Variants in DEFB107B observed in about 807,000 individuals in gnomAD.
DEFB107B encodes defensin beta 107B.
intron 1 of DEFB107B, among the ~76,000 whole-genome samples, chr8:7,497,434 G>A (rs1438875957): frequency 6.6e-6 from 1 of 151,070 alleles, no homozygotes; most frequent in Non-Finnish European, 1.5e-5. Flanking sequence ...TGGAAACTTG[G>A]TTCTAACTAG....
chr8:7,497,217 T>C (rs1248665258), intron 1 of DEFB107B, among the ~76,000 whole-genome samples: 1 of 151,630 alleles, frequency 6.6e-6, no homozygotes, highest in Non-Finnish European at 1.5e-5. Flanking sequence ...AGCATGGACA[T>C]TGACCTTAAT....
chr8:7,496,514 A>G (rs1811746749), intron 1 of DEFB107B, among the ~76,000 whole-genome samples: 1 of 151,942 alleles, frequency 6.6e-6, no homozygotes, highest in Non-Finnish European at 1.5e-5. Context: ...GTTAGCCAGG[A>G]TGGTCTTGAT....
In DEFB107B at chr8:7,503,788, G is replaced by C. The variant is rs1356525110; in HGVS notation, c.71-5293G>C. On this transcript the variant is annotated intron_variant, in intron 1 of 1. Transcript: ENST00000355602. Reference sequence around the variant, plus strand: ...TGTTTAGGCCAATTTTTTGGCCACTGATTTAAAGCAATGATAGAGACATCT... The same window carrying C: ...TGTTTAGGCCAATTTTTTGGCCACTCATTTAAAGCAATGATAGAGACATCT... Among the ~76,000 whole-genome samples the C allele has an allele frequency of 8.5e-5, 2 of 23,638 alleles. 1 individual carries two copies. Among genetic ancestry groups the C allele is most frequent in the African/African-American group, 1.5e-4 (2 of 13,446 alleles). The allele number at this position is 23,638 out of a possible 152,430, so 15.5% of individuals were successfully genotyped here. A position where few individuals can be genotyped will look rare whatever the true frequency, so the allele number is the denominator to read the frequency against.
At position 7,508,253 on chromosome 8, in the gene DEFB107B, T is replaced by C. The variant is rs532176719; in HGVS notation, c.71-828T>C. Among the ~76,000 whole-genome samples, 48 of 140,884 alleles carry C rather than the reference T, an allele frequency of 3.4e-4. 2 individuals are homozygous for C. The highest frequency in any genetic ancestry group is 1.3e-3 in the African/African-American group (46 of 34,386). The allele number at this position is 140,884 out of a possible 152,430, so 92.4% of individuals were successfully genotyped here. On this transcript the variant is annotated intron_variant, in intron 1 of 1. Coordinates refer to ENST00000355602, the MANE Select transcript of DEFB107B (RefSeq NM_001040705.2). ...AGCCCCTGCAATTTCTTTCCATTAG[T>C]CTTTGCCTTAACTTGGCACTAACAA...
chr8:7,497,420 G>C (rs1395507503), intron 1 of DEFB107B, among the ~76,000 whole-genome samples: 1 of 151,632 alleles, frequency 6.6e-6, no homozygotes, highest in South Asian at 2.1e-4. Flanking sequence ...AGAAGTCATA[G>C]ATGTGGAAAC....
chr8:7,502,497 C>T lies in DEFB107B; in HGVS notation c.70+6494C>T, dbSNP rs1585544092. Among the ~76,000 whole-genome samples, 8 of 22,552 alleles carry T rather than the reference C, an allele frequency of 3.5e-4. 4 individuals are homozygous for T. In the South Asian group the frequency reaches 0.012, roughly 35 times the overall value. The allele number at this position is 22,552 out of a possible 152,430, so 14.8% of individuals were successfully genotyped here. On this transcript the variant is annotated intron_variant, in intron 1 of 1. Coordinates refer to ENST00000355602, the MANE Select transcript of DEFB107B (RefSeq NM_001040705.2). ...GATCTATTCTATTTATTTGTGCTGA[C>T]TGAATTTTTTCTTCCACTAATTTAA...
chr8:7,497,380 C>G (rs1336224094), intron 1 of DEFB107B, among the ~76,000 whole-genome samples: 1 of 152,220 alleles, frequency 6.6e-6, no homozygotes, highest in Non-Finnish European at 1.5e-5. Context: ...ACAGTTTTCA[C>G]AAGTGCCATA....
intron 1 of DEFB107B, among the ~76,000 whole-genome samples, chr8:7,496,563 G>T (rs1210940290): frequency 2.9e-4 from 44 of 150,350 alleles, no homozygotes; most frequent in African/African-American, 1.1e-3. Context: ...GCCTCCCAGA[G>T]CCCTGGGATT....
At chr8:7,508,043 T>C (rs1811984506) in intron 1 of DEFB107B, among the ~76,000 whole-genome samples, 1 of 26,528 alleles carries the variant, frequency 3.8e-5, no homozygotes, top group Non-Finnish European at 1.1e-4. Context: ...TCTGTCCTGA[T>C]TCAGTATTGA....
At chr8:7,507,719 G>A (rs1811972436) in intron 1 of DEFB107B, among the ~76,000 whole-genome samples, 2 of 131,520 alleles carry the variant, frequency 1.5e-5, no homozygotes, top group South Asian at 4.7e-4. Flanking sequence ...AACAGGCAGG[G>A]TTAGAAAGTA....
chr8:7,502,749 A>C lies in DEFB107B; in HGVS notation c.71-6332A>C, dbSNP rs867921008. ...TTCTATTTTCTATCTGCATCCCTAA[A>C]TAATGAAAAGGAGTAGAGGTTTGGA... On this transcript the variant is annotated intron_variant, in intron 1 of 1. Transcript: ENST00000355602. Among the ~76,000 whole-genome samples, 65 of 22,572 alleles carry C rather than the reference A, an allele frequency of 2.9e-3. 1 individual carries two copies. Among genetic ancestry groups the C allele is most frequent in the African/African-American group, 5.2e-3 (64 of 12,230 alleles). The allele number at this position is 22,572 out of a possible 152,430, so 14.8% of individuals were successfully genotyped here.
At chr8:7,507,862 C>T (rs1811976919) in intron 1 of DEFB107B, among the ~76,000 whole-genome samples, 1 of 145,936 alleles carries the variant, frequency 6.9e-6, no homozygotes, top group Admixed American at 6.7e-5. Context: ...ATTCATGTGT[C>T]CAGCTAAACC....
At chr8:7,508,929 A>ATAACATCTG in intron 1 of DEFB107B, 152 bp from the exon 2 acceptor site, 2 of 79,884 alleles carry the variant, frequency 2.5e-5, no homozygotes, top group Admixed American at 2.3e-4. Context: ...GACTGTTCAG[A>ATAACATCTG]TAACATCTGA....
rs1261551227 is a variant in DEFB107B at position 7,498,007 on chromosome 8, A to G, written c.70+2004A>G. ...GGGACCCGGGGAACCAGCATTCAGCATATGGAGGATCCCGCCAGCCTCTGA... is the reference window on the plus strand; with the variant it reads ...GGGACCCGGGGAACCAGCATTCAGCGTATGGAGGATCCCGCCAGCCTCTGA... On this transcript the variant is annotated intron_variant, in intron 1 of 1. Transcript: ENST00000355602. 1.0e-4 allele frequency among the ~76,000 whole-genome samples: 2 copies of G among 19,520 alleles called. 1 individual carries two copies. Among genetic ancestry groups the G allele is most frequent in the African/African-American group, 1.9e-4 (2 of 10,346 alleles). The allele number at this position is 19,520 out of a possible 152,430, so 12.8% of individuals were successfully genotyped here. A position where few individuals can be genotyped will look rare whatever the true frequency, so the allele number is the denominator to read the frequency against.
intron 1 of DEFB107B, among the ~76,000 whole-genome samples, chr8:7,496,515 T>C (rs1265924645): frequency 3.3e-5 from 5 of 152,058 alleles, no homozygotes. Context: ...TTAGCCAGGA[T>C]GGTCTTGATG....
intron 1 of DEFB107B, among the ~76,000 whole-genome samples, chr8:7,507,843 T>G (rs1811976228): frequency 6.9e-6 from 1 of 145,370 alleles, no homozygotes; most frequent in Non-Finnish European, 1.5e-5. Context: ...CTGATGTGAT[T>G]AGCTAAGTAT....
intron 1 of DEFB107B, among the ~76,000 whole-genome samples, chr8:7,507,373 A>G (rs1178691072): frequency 1.3e-4 from 5 of 38,494 alleles, no homozygotes; most frequent in Non-Finnish European, 2.5e-4. Flanking sequence ...GCCAAACTAT[A>G]TGAGTTTGGA....
Position 7,497,314 on chromosome 8 carries a change from T to G in DEFB107B, c.70+1311T>G, listed in dbSNP as rs1210253908. ...AAATAAGCTTTCAATACATTTAACA[T>G]GTATAAGTAAGTATATCAATGAGAC... is the stretch of plus-strand genomic sequence containing the variant. On this transcript the variant is annotated intron_variant, in intron 1 of 1. Transcript: ENST00000355602. Among the ~76,000 whole-genome samples, 68 of 152,260 alleles carry G rather than the reference T, an allele frequency of 4.5e-4. No homozygotes were observed. In the South Asian group the frequency reaches 8.2e-3, roughly 18 times the overall value.
chr8:7,496,691 G>T, intron 1 of DEFB107B, among the ~76,000 whole-genome samples: 1 of 126,862 alleles, frequency 7.9e-6, no homozygotes, highest in Admixed American at 8.1e-5. Flanking sequence ...TATTTGTTAA[G>T]TTAGGGAAGT....
Sources: allele counts gnomAD v4.1 joint callset (sites outside exome capture counted in the v4.1 genomes callset), GRCh38; gene constraint gnomAD v4.1.1; transcripts MANE v1.5; gene names NCBI Gene and HGNC (gene_info 2026-07-23, HGNC 2026-07-21).